Variants in TUBGCP3 observed in about 807,000 individuals in gnomAD.
The protein encoded by TUBGCP3 is gamma-tubulin complex component 3.
In TUBGCP3, 50 loss-of-function variants were observed where a neutral mutation model predicts 123.1. That is an observed-to-expected ratio of 0.41 (90% CI 0.32 to 0.51). The LOEUF (loss-of-function observed/expected upper bound fraction) is 0.51. Among genes scored for constraint, TUBGCP3 ranks in the 20% least tolerant of loss-of-function variants. TUBGCP3 has a pLI of 0.36. For missense variants in TUBGCP3, 882 were observed against 1,127.0 expected (o/e 0.78, Z 3.11); for synonymous variants, 405 against 413.9 (o/e 0.98, Z 0.26).
Position 112,499,038 on chromosome 13 carries a change from A to C in TUBGCP3, c.2448+7T>G. 1.2e-6 allele frequency: 2 copies of C among 1,614,178 alleles called. No individual in the cohort carries two copies. Among genetic ancestry groups the C allele is most frequent in the Non-Finnish European group, 1.7e-6 (2 of 1,180,024 alleles). On this transcript the variant is annotated splice_region_variant and intron_variant, in intron 20 of 21. Coordinates refer to ENST00000261965, the MANE Select transcript of TUBGCP3 (RefSeq NM_006322.6). ...AATAGATAAATTCACAAGTGTAAAGACCATACCTCAATTTCACGCTGTTTC... is the reference window on the plus strand; with the variant it reads ...AATAGATAAATTCACAAGTGTAAAGCCCATACCTCAATTTCACGCTGTTTC...
chr13:112,553,683 G>A (rs529012226), intron 8 of TUBGCP3, among the ~76,000 whole-genome samples: 5 of 152,216 alleles, frequency 3.3e-5, no homozygotes, highest in African/African-American at 7.2e-5. Context: ...GCAGCTGGGA[G>A]TGTCCCCTGT....
At chr13:112,497,482 A>G (rs1292746025) in intron 20 of TUBGCP3, among the ~76,000 whole-genome samples, 2 of 152,266 alleles carry the variant, frequency 1.3e-5, no homozygotes, top group East Asian at 3.8e-4. Flanking sequence ...CCTCTAACAC[A>G]GGTTTTAAGA....
At chr13:112,487,512 G>C (rs914844546) in intron 21 of TUBGCP3, among the ~76,000 whole-genome samples, 7 of 152,194 alleles carry the variant, frequency 4.6e-5, no homozygotes, top group African/African-American at 1.7e-4. Flanking sequence ...TAAGCACACA[G>C]ACAAATCTTT....
chr13:112,570,893 G>C (rs1308433690), intron 1 of TUBGCP3, among the ~76,000 whole-genome samples: 1 of 152,022 alleles, frequency 6.6e-6, no homozygotes, highest in African/African-American at 2.4e-5. Context: ...CACTTCAGCA[G>C]GAGTAGATTC....
At chr13:112,493,744 G>A (rs1384827630) in intron 20 of TUBGCP3, among the ~76,000 whole-genome samples, 2 of 149,854 alleles carry the variant, frequency 1.3e-5, no homozygotes, top group African/African-American at 4.9e-5. Context: ...TGGGAACATG[G>A]CCTGGTGTGC....
chr13:112,486,810 T>C (rs575137347), intron 21 of TUBGCP3, among the ~76,000 whole-genome samples: 52 of 152,366 alleles, frequency 3.4e-4, no homozygotes, highest in African/African-American at 1.1e-3. Context: ...TGCTGGAGCC[T>C]GCTGCATGCC....
At chr13:112,547,777 G>GT (rs751233752) in intron 9 of TUBGCP3, 25 bp from the exon 10 acceptor site, 110 of 1,428,716 alleles carry the variant, frequency 7.7e-5, no homozygotes, top group Admixed American at 5.9e-4. Context: ...AGATAGAAAT[G>GT]TTTAAGTACA....
chr13:112,576,525 A>G (rs2139304535), intron 1 of TUBGCP3, among the ~76,000 whole-genome samples: 1 of 152,338 alleles, frequency 6.6e-6, no homozygotes, highest in South Asian at 2.1e-4. Context: ...AAAAACGGGT[A>G]CTGAGGTGAG....
upstream of TUBGCP3, among the ~76,000 whole-genome samples, chr13:112,588,337 G>A (rs1882783237): frequency 6.6e-6 from 1 of 152,234 alleles, no homozygotes. Flanking sequence ...AGTCGCGAGC[G>A]TGACGGGCTT....
chr13:112,561,939 A>G (rs1880540121), intron 3 of TUBGCP3, among the ~76,000 whole-genome samples: 1 of 152,252 alleles, frequency 6.6e-6, no homozygotes, highest in Non-Finnish European at 1.5e-5. Context: ...CTATAAAAAG[A>G]GCAAGTATAA....
intron 20 of TUBGCP3, 93 bp downstream of exon 20, chr13:112,498,952 G>A (rs1880706137): frequency 6.2e-7 from 1 of 1,614,124 alleles, no homozygotes; most frequent in Non-Finnish European, 8.5e-7. Flanking sequence ...TGACAATTTT[G>A]GCAAGAAAGT....
chr13:112,533,940 T>C (rs569079748), intron 11 of TUBGCP3, among the ~76,000 whole-genome samples: 12 of 152,054 alleles, frequency 7.9e-5, no homozygotes, highest in African/African-American at 2.9e-4. Flanking sequence ...GCACCCAATT[T>C]GTAGTCTTTT....
chr13:112,519,150 C>A lies in TUBGCP3; in HGVS notation c.1882-107G>T. On this transcript the variant is annotated intron_variant, in intron 15 of 21. Transcript: ENST00000261965. The surrounding 1 kb of genome is among the most constrained non-coding windows in gnomAD (Gnocchi z 6.2). The stretch of plus-strand genomic sequence containing the variant: ...AATAATGCCCAATTGTTAAAAACTG[C>A]TCAACAGTTCTGAGTGCATCTTCTT... 1 of 855,698 alleles carries A rather than the reference C, an allele frequency of 1.2e-6. No individual in the cohort carries two copies. The highest frequency in any genetic ancestry group is 1.9e-6 in the Non-Finnish European group (1 of 512,824). 53.0% of individuals were successfully genotyped at this position (855,698 alleles called of 1,614,324 possible). A position where few individuals can be genotyped will look rare whatever the true frequency, so the allele number is the denominator to read the frequency against.
chr13:112,558,225 G>A lies in TUBGCP3; in HGVS notation c.519C>T (p.Pro173=), dbSNP rs144464257. 82 of 1,611,826 alleles carry A rather than the reference G, an allele frequency of 5.1e-5. No homozygotes were observed. In the African/African-American group the frequency reaches 5.9e-4, roughly 12 times the overall value. Residue 173 remains proline (P), a synonymous_variant, in exon 5 of 22, where the codon CCC becomes CCT. Coordinates refer to ENST00000261965, the MANE Select transcript of TUBGCP3 (RefSeq NM_006322.6). The part of the protein sequence containing the change: ...SSIGLCALSG[P]APAPQSLLPG... ...GGAGGAGAGATTGTGGCGCAGGCGC[G>A]GGGCCACTGAGGGCACACAGGCCAA...
intron 6 of TUBGCP3, 67 bp downstream of exon 6, chr13:112,555,985 T>C: frequency 6.5e-7 from 1 of 1,536,094 alleles, no homozygotes; most frequent in Non-Finnish European, 8.8e-7. Flanking sequence ...GGCTGTACTT[T>C]AAAATAAGGA....
intron 11 of TUBGCP3, among the ~76,000 whole-genome samples, chr13:112,534,403 G>A (rs1270234152): frequency 1.3e-5 from 2 of 152,100 alleles, no homozygotes; most frequent in East Asian, 1.9e-4. Context: ...AAAATTAGCC[G>A]GGCGTGGTGG....
At chr13:112,521,554 G>T in intron 14 of TUBGCP3, 1 of 500,232 alleles carries the variant, frequency 2.0e-6, no homozygotes, top group Non-Finnish European at 2.6e-6. Flanking sequence ...TCTAGTCTGT[G>T]ATACACTGAA....
At chr13:112,525,448 A>G (rs747220570) in intron 13 of TUBGCP3, among the ~76,000 whole-genome samples, 44 of 152,224 alleles carry the variant, frequency 2.9e-4, no homozygotes, top group Admixed American at 8.5e-4. Flanking sequence ...CCAAGACCAG[A>G]CTAATAAGCT....
chr13:112,502,542 C>CTTTTTT (rs10710530), intron 19 of TUBGCP3, among the ~76,000 whole-genome samples: 8 of 114,368 alleles, frequency 7.0e-5, no homozygotes, highest in Non-Finnish European at 7.0e-5. Context: ...TACATTTCTT[C>CTTTTTT]TTTTTTTTTT....
Sources: allele counts gnomAD v4.1 joint callset (sites outside exome capture counted in the v4.1 genomes callset), GRCh38; gene constraint gnomAD v4.1.1; non-coding constraint Gnocchi (gnomAD v3.1); transcripts MANE v1.5; gene names NCBI Gene and HGNC (gene_info 2026-07-23, HGNC 2026-07-21).